Variants in ACKR3 observed in about 807,000 individuals in gnomAD.
The protein encoded by ACKR3 is atypical chemokine receptor 3.
In ACKR3, 6 loss-of-function variants were observed where a neutral mutation model predicts 22.4. That is an observed-to-expected ratio of 0.27 (90% CI 0.15 to 0.53). ACKR3 has a LOEUF of 0.53. ACKR3 is among the 20% of genes least tolerant of loss of function. The pLI, the probability that ACKR3 is intolerant of heterozygous loss-of-function variation, is 0.96. For synonymous variants in ACKR3, 209 were observed against 205.2 expected, an observed-to-expected ratio of 1.02 and a Z score of -0.16; for missense variants, 396 against 475.2, an observed-to-expected ratio of 0.83 and a Z score of 1.55.
the ACKR3 span, among the ~76,000 whole-genome samples, chr2:236,547,997 A>T: frequency 1.3e-5 from 2 of 152,158 alleles, no homozygotes; most frequent in African/African-American, 4.8e-5. Flanking sequence ...CATTCTCTGA[A>T]GTCTTTCCTT....
the ACKR3 span, among the ~76,000 whole-genome samples, chr2:236,546,351 T>C: frequency 2.6e-5 from 4 of 152,174 alleles, no homozygotes; most frequent in South Asian, 2.1e-4. This position sits in a 1 kb window ranked among gnomAD's most constrained non-coding sequence, Gnocchi z 4.9. Context: ...ATCAATGAAG[T>C]TCCCCCTCTG....
chr2:236,552,217 G>A, the ACKR3 span, among the ~76,000 whole-genome samples: 4 of 152,194 alleles, frequency 2.6e-5, no homozygotes, highest in Non-Finnish European at 5.9e-5. Flanking sequence ...TGAAAAGGGA[G>A]GGAGACCTTG....
the ACKR3 span, among the ~76,000 whole-genome samples, chr2:236,544,162 G>A: frequency 6.6e-6 from 1 of 151,074 alleles, no homozygotes; most frequent in East Asian, 2.0e-4. This position sits in a 1 kb window ranked among gnomAD's most constrained non-coding sequence, Gnocchi z 5.0. Context: ...GCTAATTTTT[G>A]TATTTTTAGT....
chr2:236,548,060 T>G, the ACKR3 span, among the ~76,000 whole-genome samples: 1 of 152,208 alleles, frequency 6.6e-6, no homozygotes, highest in Non-Finnish European at 1.5e-5. The surrounding 1 kb of genome is among the most constrained non-coding windows in gnomAD (Gnocchi z 4.3). Context: ...TTTCCTAGTT[T>G]TCATTTCTCC....
chr2:236,548,725 C>A, the ACKR3 span, among the ~76,000 whole-genome samples: 1 of 152,310 alleles, frequency 6.6e-6, no homozygotes, highest in Middle Eastern at 3.4e-3. This position sits in a 1 kb window ranked among gnomAD's most constrained non-coding sequence, Gnocchi z 4.3. Context: ...GACTATGGAG[C>A]ATTGTTTGAA....
At chr2:236,565,903 C>T (rs1201514470), upstream of ACKR3, among the ~76,000 whole-genome samples, 1 of 152,166 alleles carries the variant, frequency 6.6e-6, no homozygotes, top group African/African-American at 2.4e-5. Context: ...GGTGAAATGA[C>T]TCCTGCCATG....
chr2:236,539,083 T>C, the ACKR3 span, among the ~76,000 whole-genome samples: 1 of 152,190 alleles, frequency 6.6e-6, no homozygotes, highest in African/African-American at 2.4e-5. Context: ...TCATCCCTGT[T>C]GCTGCCTCTA....
rs572420375 is a variant in ACKR3 at position 236,579,962 on chromosome 2, C to G, written c.-26-478C>G. 3.3e-5 allele frequency among the ~76,000 whole-genome samples: 5 copies of G among 152,292 alleles called. No homozygotes were observed. The East Asian group carries it at 9.7e-4, about 29-fold the overall frequency. On this transcript the variant is annotated intron_variant, in intron 1 of 1. Coordinates refer to ENST00000272928, the MANE Select transcript of ACKR3 (RefSeq NM_020311.3). ...ATTTGAAATGCTTTCATTAAGACAC[C>G]AAAGCAGGACACTTGTAATACAGCA...
At chr2:236,571,336 G>T (rs959055789) in intron 1 of ACKR3, among the ~76,000 whole-genome samples, 1 of 152,278 alleles carries the variant, frequency 6.6e-6, no homozygotes, top group East Asian at 1.9e-4. Context: ...CAGGAGATTG[G>T]GGGGAGGGGA....
chr2:236,541,493 T>C, the ACKR3 span, among the ~76,000 whole-genome samples: 11 of 152,216 alleles, frequency 7.2e-5, no homozygotes, highest in Non-Finnish European at 1.3e-4. Flanking sequence ...CATATTATTA[T>C]AAAGAAAATC....
chr2:236,539,382 G>A, the ACKR3 span, among the ~76,000 whole-genome samples: 109 of 146,630 alleles, frequency 7.4e-4, no homozygotes, highest in Admixed American at 7.7e-4. Flanking sequence ...GTGCGATCTC[G>A]GCTCACTGGA....
the ACKR3 span, among the ~76,000 whole-genome samples, chr2:236,560,372 A>G: frequency 8.5e-5 from 10 of 117,768 alleles, no homozygotes; most frequent in African/African-American, 3.4e-4. Flanking sequence ...GTGATATTTC[A>G]TTGTGATTTT....
chr2:236,555,694 T>C, the ACKR3 span, among the ~76,000 whole-genome samples: 1 of 152,056 alleles, frequency 6.6e-6, no homozygotes, highest in Non-Finnish European at 1.5e-5. Flanking sequence ...AGCTCCGCCC[T>C]CATTCTGCCT....
chr2:236,561,071 T>C, the ACKR3 span, among the ~76,000 whole-genome samples: 1 of 152,202 alleles, frequency 6.6e-6, no homozygotes, highest in Non-Finnish European at 1.5e-5. Context: ...AAATACTCCA[T>C]GATTCCATGT....
chr2:236,539,451 T>C, the ACKR3 span, among the ~76,000 whole-genome samples: 1 of 151,964 alleles, frequency 6.6e-6, no homozygotes, highest in Non-Finnish European at 1.5e-5. Flanking sequence ...CAGCTGGGAT[T>C]ACAGGTGTTC....
At chr2:236,539,254 G>C in the ACKR3 span, among the ~76,000 whole-genome samples, 801 of 143,142 alleles carry the variant, frequency 5.6e-3, 6 homozygotes, top group African/African-American at 0.016. Flanking sequence ...GTGTGTGTGT[G>C]TCTCTCTCTC....
At chr2:236,544,131 A>C in the ACKR3 span, among the ~76,000 whole-genome samples, 1 of 151,026 alleles carries the variant, frequency 6.6e-6, no homozygotes, top group African/African-American at 2.4e-5. This position sits in a 1 kb window ranked among gnomAD's most constrained non-coding sequence, Gnocchi z 5.0. Context: ...CTGGAACTAC[A>C]GGTGCCCACC....
chr2:236,581,036 A>C lies in ACKR3; in HGVS notation c.571A>C (p.Asn191His), dbSNP rs1457136424. ...CCTGAAGACCGTCACGTCTGCGTCC[A>C]ACAATGAGACCTACTGCCGGTCCTT... ...YYLKTVTSAS[N>H]NETYCRSFYP... Residue 191 changes from asparagine (N) to histidine (H), a missense_variant, in exon 2 of 2, where the codon AAC (asparagine) becomes CAC (histidine). Physicochemically the swap from Asn to His is moderately conservative, Grantham distance 68. Coordinates refer to ENST00000272928, the MANE Select transcript of ACKR3 (RefSeq NM_020311.3). This position sits in a 1 kb window ranked among gnomAD's most constrained non-coding sequence, Gnocchi z 4.4. 1 of 1,614,124 alleles carries C rather than the reference A, an allele frequency of 6.2e-7. No homozygotes were observed. Among genetic ancestry groups the C allele is most frequent in the Non-Finnish European group, 8.5e-7 (1 of 1,180,038 alleles).
In ACKR3 at chr2:236,581,534, T is replaced by C. The variant is rs1574979446; in HGVS notation, c.1069T>C (p.Leu357=). The change falls in exon 2 of 2, where the codon TTG becomes CTG. Residue 357 remains leucine (L), a synonymous_variant. Coordinates refer to ENST00000272928, the MANE Select transcript of ACKR3 (RefSeq NM_020311.3). This position sits in a 1 kb window ranked among gnomAD's most constrained non-coding sequence, Gnocchi z 4.4. ...SRVSETEYSA[L]EQSTK Reference sequence around the variant, plus strand: ...AGTCTCAGAGACGGAGTACTCTGCCTTGGAGCAGAGCACCAAATGATCTGC... The same window carrying C: ...AGTCTCAGAGACGGAGTACTCTGCCCTGGAGCAGAGCACCAAATGATCTGC... 1.2e-6 allele frequency: 2 copies of C among 1,613,826 alleles called. No individual in the cohort carries two copies. Among genetic ancestry groups the C allele is most frequent in the Middle Eastern group, 1.7e-4 (1 of 6,054 alleles).
Sources: allele counts gnomAD v4.1 joint callset (sites outside exome capture counted in the v4.1 genomes callset), GRCh38; gene constraint gnomAD v4.1.1; non-coding constraint Gnocchi (gnomAD v3.1); transcripts MANE v1.5; gene names NCBI Gene and HGNC (gene_info 2026-07-23, HGNC 2026-07-21).